Variants in KHDRBS2 observed in about 807,000 individuals in gnomAD.
KHDRBS2 encodes the protein KH RNA binding domain containing, signal transduction associated 2.
In KHDRBS2, 26 loss-of-function variants were observed where a neutral mutation model predicts 44.3. That is an observed-to-expected ratio of 0.59 (90% CI 0.43 to 0.81). The LOEUF (loss-of-function observed/expected upper bound fraction) is 0.81, where lower values mean the gene tolerates loss of function less well. Ranked by LOEUF, KHDRBS2 falls within the 40% of genes least tolerant of loss-of-function variation. The pLI is 0.00. For synonymous variants in KHDRBS2, 194 were observed against 151.1 expected, an observed-to-expected ratio of 1.28 and a Z score of -2.08; for missense variants, 476 against 433.1, an observed-to-expected ratio of 1.10 and a Z score of -0.88.
At chr6:62,010,657 A>G (rs2127268835) in intron 3 of KHDRBS2, among the ~76,000 whole-genome samples, 1 of 152,212 alleles carries the variant, frequency 6.6e-6, no homozygotes, top group South Asian at 2.1e-4. Flanking sequence ...GTGATAATAA[A>G]TGGGTCTGAT....
chr6:61,923,058 TTAAGTAGACATTG>T lies in KHDRBS2; in HGVS notation c.484-21700_484-21688del, dbSNP rs1313873730. Among the ~76,000 whole-genome samples, 4 of 152,208 alleles carry T rather than the reference TTAAGTAGACATTG, an allele frequency of 2.6e-5. No individual in the cohort carries two copies. In the East Asian group the frequency reaches 7.7e-4, roughly 29 times the overall value. ...AAATGTATTTCACATAATGAAACCGTTAAGTAGACATTGATGACAAACAGTCTAAATTGAATTT... is the reference window on the plus strand; with the variant it reads ...AAATGTATTTCACATAATGAAACCGTATGACAAACAGTCTAAATTGAATTT... On this transcript the variant is annotated intron_variant, in intron 4 of 8. Transcript: ENST00000281156.
chr6:61,817,148 C>G lies in KHDRBS2; in HGVS notation c.810+77487G>C, dbSNP rs547102994. On this transcript the variant is annotated intron_variant, in intron 6 of 8. Transcript: ENST00000281156. ...GTAAATGCTGCCCACTGAATGATGA[C>G]TCAATTCCAAAATGATGATTCCATT... 156 of 316,680 alleles carry G rather than the reference C, an allele frequency of 4.9e-4. 2 individuals carry two copies. The highest frequency in any genetic ancestry group is 3.0e-3 in the African/African-American group (140 of 46,516). 19.6% of individuals were successfully genotyped at this position (316,680 alleles called of 1,614,324 possible).
chr6:61,823,523 T>C (rs1348448100), intron 6 of KHDRBS2, among the ~76,000 whole-genome samples: 2 of 152,072 alleles, frequency 1.3e-5, no homozygotes, highest in Non-Finnish European at 2.9e-5. Context: ...AGTTCAGAAA[T>C]AGAATATTTC....
At chr6:61,950,106 T>A (rs1271956646) in intron 4 of KHDRBS2, among the ~76,000 whole-genome samples, 3 of 152,060 alleles carry the variant, frequency 2.0e-5, no homozygotes, top group Non-Finnish European at 2.9e-5. Flanking sequence ...AATTCCTGTA[T>A]GTTTGGGAAT....
At position 61,752,671 on chromosome 6, in the gene KHDRBS2, CAAAAAAAAA is replaced by C. The variant is rs56410130; in HGVS notation, c.811-19916_811-19908del. The stretch of plus-strand genomic sequence containing the variant: ...GCACTATTCTAGTGATTGTGGTATA[CAAAAAAAAA>C]AAAAAAAAAAAAAGAACAAAAATAT... On this transcript the variant is annotated intron_variant, in intron 6 of 8. Transcript: ENST00000281156. Among the ~76,000 whole-genome samples, 322 of 111,318 alleles carry C rather than the reference CAAAAAAAAA, an allele frequency of 2.9e-3. 6 individuals carry two copies. Among genetic ancestry groups the C allele is most frequent in the Admixed American group, 0.023 (219 of 9,582 alleles). The allele number at this position is 111,318 out of a possible 152,430, so 73.0% of individuals were successfully genotyped here. A position where few individuals can be genotyped will look rare whatever the true frequency, so the allele number is the denominator to read the frequency against.
intron 1 of KHDRBS2, among the ~76,000 whole-genome samples, chr6:62,194,095 GT>G (rs1465816315): frequency 2.0e-5 from 3 of 151,954 alleles, no homozygotes; most frequent in Non-Finnish European, 4.4e-5. Context: ...AATTTATTAA[GT>G]TTTTTTCTTT....
intron 6 of KHDRBS2, among the ~76,000 whole-genome samples, chr6:61,772,458 C>T (rs954707613): frequency 6.6e-6 from 1 of 151,978 alleles, no homozygotes; most frequent in African/African-American, 2.4e-5. Flanking sequence ...AAAATAGACA[C>T]AATAAAAAAT....
intron 2 of KHDRBS2, among the ~76,000 whole-genome samples, chr6:62,056,014 G>A (rs147051849): frequency 6.6e-6 from 1 of 152,046 alleles, no homozygotes; most frequent in African/African-American, 2.4e-5. Context: ...TGGAGCTCTG[G>A]TTTCTCCCCT....
At chr6:61,836,709 GTAA>G (rs1304266610) in intron 6 of KHDRBS2, among the ~76,000 whole-genome samples, 1 of 151,922 alleles carries the variant, frequency 6.6e-6, no homozygotes, top group Non-Finnish European at 1.5e-5. Flanking sequence ...TTGGCTAAAA[GTAA>G]TAACACCATG....
intron 1 of KHDRBS2, among the ~76,000 whole-genome samples, chr6:62,274,468 C>G (rs1281447878): frequency 1.3e-5 from 2 of 152,164 alleles, no homozygotes; most frequent in African/African-American, 4.8e-5. Context: ...GCCTCTACCA[C>G]TCTCTCTAGA....
the KHDRBS2 span, among the ~76,000 whole-genome samples, chr6:61,567,314 C>T: frequency 1.3e-5 from 2 of 152,166 alleles, no homozygotes; most frequent in African/African-American, 4.8e-5. Context: ...GGTCCTAGAT[C>T]TAAAGTTTAG....
intron 2 of KHDRBS2, among the ~76,000 whole-genome samples, chr6:62,103,024 C>A (rs981989736): frequency 1.3e-5 from 2 of 152,106 alleles, no homozygotes; most frequent in Admixed American, 6.5e-5. Flanking sequence ...CTGACTGAGT[C>A]TGGGGTTTTT....
intron 3 of KHDRBS2, among the ~76,000 whole-genome samples, chr6:62,046,345 A>G (rs1046799814): frequency 8.6e-5 from 13 of 152,016 alleles, no homozygotes; most frequent in Non-Finnish European, 1.8e-4. Context: ...TAGAAATACT[A>G]CATGTAGATT....
the KHDRBS2 span, among the ~76,000 whole-genome samples, chr6:61,550,229 G>GT: frequency 2.0e-5 from 3 of 152,010 alleles, no homozygotes; most frequent in African/African-American, 7.2e-5. Context: ...CCCAGTGTCT[G>GT]TTTTTCCCTT....
intron 2 of KHDRBS2, among the ~76,000 whole-genome samples, chr6:62,081,132 C>T (rs565581175): frequency 3.1e-4 from 47 of 151,922 alleles, no homozygotes; most frequent in Non-Finnish European, 4.4e-4. Flanking sequence ...CTAGGAAGAA[C>T]AAAGGTAATG....
the KHDRBS2 span, among the ~76,000 whole-genome samples, chr6:61,625,922 GGAATTGT>G: frequency 5.1e-4 from 78 of 152,222 alleles, 2 homozygotes; most frequent in South Asian, 0.016. Flanking sequence ...TCCTAACCAT[GGAATTGT>G]GAATAATTTG....
chr6:62,060,288 G>C (rs1791447565), intron 2 of KHDRBS2, among the ~76,000 whole-genome samples: 1 of 151,774 alleles, frequency 6.6e-6, no homozygotes, highest in Admixed American at 6.6e-5. Flanking sequence ...TGAGGGATGG[G>C]CTGGGGGTGA....
At chr6:62,164,289 ACAAT>A (rs1410226754) in intron 2 of KHDRBS2, among the ~76,000 whole-genome samples, 1 of 151,930 alleles carries the variant, frequency 6.6e-6, no homozygotes, top group East Asian at 1.9e-4. Flanking sequence ...AATTTTTGTG[ACAAT>A]CAAATGAGTC....
intron 2 of KHDRBS2, among the ~76,000 whole-genome samples, chr6:62,148,285 T>A (rs1343840633): frequency 1.3e-5 from 2 of 152,020 alleles, no homozygotes; most frequent in Non-Finnish European, 2.9e-5. Flanking sequence ...AATACAGGCA[T>A]AAATTAGCTA....
Sources: allele counts gnomAD v4.1 joint callset (sites outside exome capture counted in the v4.1 genomes callset), GRCh38; gene constraint gnomAD v4.1.1; transcripts MANE v1.5; gene names NCBI Gene and HGNC (gene_info 2026-07-23, HGNC 2026-07-21).